Variants in CDH7 observed in about 807,000 individuals in gnomAD.
The protein encoded by CDH7 is cadherin 7.
CDH7 carries 25 observed loss-of-function variants against 71.8 expected under a neutral mutation model. The ratio of observed to expected loss-of-function variants is 0.35; its 90% confidence interval spans 0.25 to 0.49. The LOEUF is 0.49. CDH7 is among the 20% of genes least tolerant of loss of function. The pLI, the probability that CDH7 is intolerant of heterozygous loss-of-function variation, is 0.99. For missense variants in CDH7, 862 were observed against 974.6 expected (o/e 0.88, Z 1.54); for synonymous variants, 381 against 363.8 (o/e 1.05, Z -0.54).
Position 65,857,834 on chromosome 18 carries a change from C to A in CDH7, c.1254C>A (p.Asn418Lys), listed in dbSNP as rs1420060921. 10 of 1,612,760 alleles carry A rather than the reference C, an allele frequency of 6.2e-6. No homozygotes were observed. The highest frequency in any genetic ancestry group is 1.3e-5 in the African/African-American group (1 of 74,848). The part of the protein sequence containing the change: ...NSPVRYSIDR[N>K]TDLERYFNID... ...CAATTAGGTACTCAATTGACAGAAACACAGACTTGGAGAGATACTTCAATA... is the reference window on the plus strand; with the variant it reads ...CAATTAGGTACTCAATTGACAGAAAAACAGACTTGGAGAGATACTTCAATA... The change falls in exon 8 of 12, where the codon AAC becomes AAA. Residue 418 changes from asparagine (N) to lysine (K), a missense_variant. Coordinates refer to ENST00000397968, the MANE Select transcript of CDH7 (RefSeq NM_004361.5).
At chr18:65,781,996 T>G (rs200568643) in intron 2 of CDH7, among the ~76,000 whole-genome samples, 1 of 74,914 alleles carries the variant, frequency 1.3e-5, no homozygotes, top group East Asian at 3.4e-4. Flanking sequence ...CTTTCTCTCT[T>G]TCTCTCTTTC....
chr18:65,882,809 A>C lies in CDH7; in HGVS notation c.*1915A>C, dbSNP rs2144077967. ...TCAAACTAAAAAATAACAAACAAAC[A>C]AAAAAACACGCGTATTTACCCAGTT... On this transcript the variant is annotated 3_prime_UTR_variant, in exon 12 of 12. Transcript: ENST00000397968. 6.6e-6 allele frequency: 1 copy of C among 152,242 alleles called. No homozygotes were observed. The highest frequency in any genetic ancestry group is 1.5e-5 in the Non-Finnish European group (1 of 67,960). The allele number at this position is 152,242 out of a possible 1,614,324, so 9.4% of individuals were successfully genotyped here.
chr18:65,880,483 T>C lies in CDH7; in HGVS notation c.1947T>C (p.Asn649=). 1 of 1,599,566 alleles carries C rather than the reference T, an allele frequency of 6.3e-7. No homozygotes were observed. The highest frequency in any genetic ancestry group is 1.1e-5 in the South Asian group (1 of 88,674). ...ACGAAGAAAGAGACATCAGAGAAAATATTGTGAGATACGATGACGAGGGCG... is the reference window on the plus strand; with the variant it reads ...ACGAAGAAAGAGACATCAGAGAAAACATTGTGAGATACGATGACGAGGGCG... The part of the protein sequence containing the change: ...IFDEERDIRE[N]IVRYDDEGGG... The change falls in exon 12 of 12, where the codon AAT becomes AAC. Residue 649 remains asparagine, a synonymous_variant. Transcript: ENST00000397968.
chr18:65,831,388 C>T (rs977740481), intron 6 of CDH7, among the ~76,000 whole-genome samples: 18 of 152,080 alleles, frequency 1.2e-4, no homozygotes, highest in African/African-American at 2.7e-4. Flanking sequence ...CAGGCTTTAC[C>T]GCCAAATCCA....
intron 2 of CDH7, among the ~76,000 whole-genome samples, chr18:65,794,905 T>A (rs539166871): frequency 1.4e-4 from 21 of 152,286 alleles, no homozygotes; most frequent in African/African-American, 4.6e-4. Flanking sequence ...CAAAACTTTG[T>A]CAGAAGAATT....
At chr18:65,851,666 A>G (rs961167938) in intron 7 of CDH7, among the ~76,000 whole-genome samples, 6 of 152,228 alleles carry the variant, frequency 3.9e-5, no homozygotes, top group Non-Finnish European at 7.3e-5. Flanking sequence ...CTTGTTATGT[A>G]GCTGTAGAAG....
chr18:65,792,247 T>C (rs1910741228), intron 2 of CDH7, among the ~76,000 whole-genome samples: 1 of 148,162 alleles, frequency 6.7e-6, no homozygotes, highest in African/African-American at 2.5e-5. Context: ...CTTAGAGAAT[T>C]TGGGAAAGAG....
intron 2 of CDH7, among the ~76,000 whole-genome samples, chr18:65,804,082 T>G (rs1254627030): frequency 2.6e-5 from 4 of 152,172 alleles, no homozygotes; most frequent in Non-Finnish European, 1.5e-5. Context: ...TTTCGTTTAT[T>G]AGTGTTAAAG....
chr18:65,851,433 C>A (rs1395254403), intron 7 of CDH7, among the ~76,000 whole-genome samples: 1 of 152,192 alleles, frequency 6.6e-6, no homozygotes, highest in African/African-American at 2.4e-5. Flanking sequence ...ATCTAGCTCA[C>A]TCACCTGCAC....
chr18:65,815,120 A>G (rs1017471800), intron 4 of CDH7, among the ~76,000 whole-genome samples: 25 of 152,194 alleles, frequency 1.6e-4, no homozygotes, highest in African/African-American at 5.8e-4. Flanking sequence ...ATTTGGGGGA[A>G]CAATTTTTAC....
intron 2 of CDH7, among the ~76,000 whole-genome samples, chr18:65,804,638 A>C (rs1911245595): frequency 6.6e-6 from 1 of 151,784 alleles, no homozygotes; most frequent in South Asian, 2.1e-4. Context: ...AATTTAATGA[A>C]GGTAATGGAG....
intron 11 of CDH7, among the ~76,000 whole-genome samples, chr18:65,879,452 A>G (rs1914157673): frequency 6.6e-6 from 1 of 152,222 alleles, no homozygotes. Flanking sequence ...ACATATTTTT[A>G]AATTCCAAAA....
chr18:65,801,248 T>A (rs1286830140), intron 2 of CDH7, among the ~76,000 whole-genome samples: 1 of 152,194 alleles, frequency 6.6e-6, no homozygotes, highest in African/African-American at 2.4e-5. Flanking sequence ...AGTGTTTAGA[T>A]GAAGAAACAA....
rs1164772254 is a variant in CDH7 at position 65,830,629 on chromosome 18, C to T, written c.981+5798C>T. ...CCCTTTCCTTCCCTTCCCTTCGCTTCCCCTTCCCTTCCTTCTTTCCTGTCT... is the reference window on the plus strand; with the variant it reads ...CCCTTTCCTTCCCTTCCCTTCGCTTTCCCTTCCCTTCCTTCTTTCCTGTCT... On this transcript the variant is annotated intron_variant, in intron 6 of 11. Coordinates refer to ENST00000397968, the MANE Select transcript of CDH7 (RefSeq NM_004361.5). Among the ~76,000 whole-genome samples the T allele has an allele frequency of 6.0e-4, 4 of 6,658 alleles. No individual in the cohort carries two copies. The South Asian group carries it at 0.19, about 312-fold the overall frequency. The allele number at this position is 6,658 out of a possible 152,430, so 4.4% of individuals were successfully genotyped here. A position where few individuals can be genotyped will look rare whatever the true frequency, so the allele number is the denominator to read the frequency against.
chr18:65,831,355 G>A (rs527807626), intron 6 of CDH7, among the ~76,000 whole-genome samples: 95 of 152,182 alleles, frequency 6.2e-4, no homozygotes, highest in African/African-American at 2.0e-3. Flanking sequence ...TTAAAAGAAC[G>A]CGATCTGCTG....
chr18:65,776,603 T>A (rs779083329), intron 2 of CDH7, among the ~76,000 whole-genome samples: 9 of 152,158 alleles, frequency 5.9e-5, no homozygotes, highest in Non-Finnish European at 1.3e-4. Context: ...ATCTCTCAGT[T>A]AATTTTCTCT....
At chr18:65,819,247 A>ACC (rs902202148) in intron 4 of CDH7, among the ~76,000 whole-genome samples, 4 of 152,086 alleles carry the variant, frequency 2.6e-5, no homozygotes, top group African/African-American at 9.7e-5. Flanking sequence ...ATCTGCATTG[A>ACC]CCCACTCCTC....
chr18:65,814,571 G>C lies in CDH7; in HGVS notation c.592G>C (p.Gly198Arg). The change falls in exon 4 of 12, where the codon GGA becomes CGA. Residue 198 changes from glycine (G) to arginine (R), a missense_variant. Coordinates refer to ENST00000397968, the MANE Select transcript of CDH7 (RefSeq NM_004361.5). The stretch of plus-strand genomic sequence containing the variant: ...CAGAGTGGTCTACAGTATTCTGCAA[G>C]GACAGCCGTACTTCTCAGTGGAGCC... ...SARVVYSILQ[G>R]QPYFSVEPKT... is the part of the protein sequence containing the mutation. The C allele has an allele frequency of 6.2e-7, 1 of 1,613,456 alleles. No homozygotes were observed. Among genetic ancestry groups the C allele is most frequent in the Non-Finnish European group, 8.5e-7 (1 of 1,179,622 alleles).
At chr18:65,828,740 C>T (rs1912224284) in intron 6 of CDH7, among the ~76,000 whole-genome samples, 1 of 151,702 alleles carries the variant, frequency 6.6e-6, no homozygotes, top group African/African-American at 2.4e-5. Flanking sequence ...GAAAATTTAC[C>T]ATTAATTCAT....
Sources: gnomAD v4.1 joint callset for allele counts (sites outside exome capture counted in the v4.1 genomes callset) on GRCh38, gnomAD v4.1.1 for gene constraint, MANE v1.5 for transcripts, NCBI Gene and HGNC (gene_info 2026-07-23, HGNC 2026-07-21) for gene names.